Variants in PTPRN2 observed in about 807,000 individuals in gnomAD.
The protein encoded by PTPRN2 is protein tyrosine phosphatase receptor type N2, also known as receptor-type tyrosine-protein phosphatase N2.
Under a neutral mutation model 118.8 loss-of-function variants are expected in PTPRN2, and 74 were observed. The ratio of observed to expected loss-of-function variants is 0.62; its 90% CI spans 0.52 to 0.76. The LOEUF is 0.76. PTPRN2 is among the 30% of genes least tolerant of loss of function. PTPRN2 has a pLI of 0.00. For synonymous variants in PTPRN2, 641 were observed against 608.0 expected, an observed-to-expected ratio of 1.05 and a Z score of -0.80; for missense variants, 1,481 against 1,394.4, an observed-to-expected ratio of 1.06 and a Z score of -0.99.
At chr7:158,197,106 A>G (rs1292974250) in intron 4 of PTPRN2, among the ~76,000 whole-genome samples, 1 of 152,232 alleles carries the variant, frequency 6.6e-6, no homozygotes, top group Non-Finnish European at 1.5e-5. Context: ...TCGTATTCAG[A>G]AAAAGTCTGG....
intron 19 of PTPRN2, among the ~76,000 whole-genome samples, chr7:157,572,262 C>A (rs1347772338): frequency 6.6e-6 from 1 of 151,892 alleles, no homozygotes; most frequent in Non-Finnish European, 1.5e-5. Flanking sequence ...TGTCAGTGAA[C>A]TATTTCTGAA....
chr7:158,351,148 G>A (rs899231689), intron 2 of PTPRN2, among the ~76,000 whole-genome samples: 15 of 152,128 alleles, frequency 9.9e-5, no homozygotes, highest in Admixed American at 4.6e-4. Context: ...CCTCACCGAC[G>A]GCATCTCTCG....
At chr7:157,910,727 AGC>A (rs1798058370) in intron 11 of PTPRN2, among the ~76,000 whole-genome samples, 1 of 146,846 alleles carries the variant, frequency 6.8e-6, no homozygotes, top group African/African-American at 2.5e-5. Context: ...TGTGTGTGCG[AGC>A]GCGCGTGCGC....
intron 12 of PTPRN2, among the ~76,000 whole-genome samples, chr7:157,746,762 C>T (rs1241957330): frequency 7.2e-5 from 11 of 152,180 alleles, no homozygotes; most frequent in African/African-American, 2.4e-4. Context: ...AGATCTCTTC[C>T]GTTCAGCTGC....
At chr7:157,965,652 C>T (rs545551930) in intron 11 of PTPRN2, among the ~76,000 whole-genome samples, 1 of 152,342 alleles carries the variant, frequency 6.6e-6, no homozygotes, top group Admixed American at 6.5e-5. Context: ...CCAGCAGGTT[C>T]CAGCTCTCAG....
At chr7:158,462,048 T>C (rs896703274) in intron 2 of PTPRN2, among the ~76,000 whole-genome samples, 1 of 152,280 alleles carries the variant, frequency 6.6e-6, no homozygotes, top group African/African-American at 2.4e-5. Flanking sequence ...TCTCCTTCCA[T>C]GCTTTCAGAC....
chr7:157,750,047 T>C (rs1801369024), intron 12 of PTPRN2, among the ~76,000 whole-genome samples: 1 of 152,050 alleles, frequency 6.6e-6, no homozygotes, highest in South Asian at 2.1e-4. Flanking sequence ...TTCTCTGTGC[T>C]GTGGGCTCCC....
chr7:157,614,175 G>A, intron 15 of PTPRN2: 1 of 463,274 alleles, frequency 2.2e-6, no homozygotes, highest in Non-Finnish European at 4.5e-6. Context: ...GGGAGGGCCA[G>A]GGTGGAGCTC....
At chr7:158,226,314 T>C (rs1828773138) in intron 3 of PTPRN2, among the ~76,000 whole-genome samples, 1 of 152,154 alleles carries the variant, frequency 6.6e-6, no homozygotes, top group African/African-American at 2.4e-5. Flanking sequence ...AATCAGTATA[T>C]GCAGGATTAA....
At chr7:158,041,995 C>G (rs1487119788) in intron 11 of PTPRN2, among the ~76,000 whole-genome samples, 1 of 152,158 alleles carries the variant, frequency 6.6e-6, no homozygotes, top group Non-Finnish European at 1.5e-5. Context: ...AAAAATGTAC[C>G]TGCTTTAAGC....
chr7:157,969,430 C>T (rs113610120), intron 11 of PTPRN2, among the ~76,000 whole-genome samples: 1,947 of 152,288 alleles, frequency 0.013, 41 homozygotes, highest in African/African-American at 0.045. Context: ...CCTCTTTGCA[C>T]ACATCCTGCA....
intron 14 of PTPRN2, among the ~76,000 whole-genome samples, chr7:157,624,149 G>A (rs992621175): frequency 1.3e-5 from 2 of 152,136 alleles, no homozygotes; most frequent in African/African-American, 2.4e-5. Context: ...GGCCGGGCTC[G>A]GTGGCTCACG....
Position 157,618,909 on chromosome 7 carries a change from G to C in PTPRN2, c.2344+2453C>G, listed in dbSNP as rs1037596439. ...AGAACCCTGGGAGGAGGTGCAGGCA[G>C]CTTCTTTCTGGCTCCAGTGCGAGTC... On this transcript the variant is annotated intron_variant, in intron 15 of 22. Transcript: ENST00000389418. The surrounding 1 kb of genome is among the most constrained non-coding windows in gnomAD (Gnocchi z 4.2). 1 of 152,374 alleles carries C rather than the reference G, an allele frequency of 6.6e-6. No individual in the cohort carries two copies. Among genetic ancestry groups the C allele is most frequent in the African/African-American group, 2.4e-5 (1 of 41,418 alleles). 9.4% of individuals were successfully genotyped at this position (152,374 alleles called of 1,614,324 possible).
intron 11 of PTPRN2, among the ~76,000 whole-genome samples, chr7:157,967,541 A>C (rs1317687557): frequency 1.3e-5 from 2 of 152,258 alleles, no homozygotes; most frequent in East Asian, 3.9e-4. Flanking sequence ...AAAGCAATGG[A>C]GGAGTGGGTG....
chr7:157,847,135 C>A (rs1356247368), intron 12 of PTPRN2, among the ~76,000 whole-genome samples: 1 of 142,014 alleles, frequency 7.0e-6, no homozygotes, highest in Non-Finnish European at 1.5e-5. Context: ...ACAGAGCCCT[C>A]TCTCACTCCA....
At chr7:158,379,928 C>A (rs1265141078) in intron 2 of PTPRN2, among the ~76,000 whole-genome samples, 1 of 152,080 alleles carries the variant, frequency 6.6e-6, no homozygotes, top group Admixed American at 6.6e-5. Context: ...TGACAGCAGG[C>A]AAAGAGAGCT....
intron 3 of PTPRN2, among the ~76,000 whole-genome samples, chr7:158,249,510 TCA>T (rs2150887844): frequency 7.5e-6 from 1 of 133,140 alleles, no homozygotes; most frequent in Non-Finnish European, 1.6e-5. Context: ...TGCACATGCA[TCA>T]CACACATGCA....
chr7:157,565,914 A>C (rs1358246019), intron 21 of PTPRN2, among the ~76,000 whole-genome samples: 2 of 152,236 alleles, frequency 1.3e-5, no homozygotes, highest in Non-Finnish European at 2.9e-5. Flanking sequence ...AGCGCTTCCC[A>C]GATTGGTGCC....
chr7:158,435,077 C>T (rs1380098631), intron 2 of PTPRN2, among the ~76,000 whole-genome samples: 1 of 152,160 alleles, frequency 6.6e-6, no homozygotes, highest in African/African-American at 2.4e-5. Context: ...ACCAAAAGCT[C>T]AGGCAACAAA....
Sources: allele counts gnomAD v4.1 joint callset (sites outside exome capture counted in the v4.1 genomes callset), GRCh38; gene constraint gnomAD v4.1.1; non-coding constraint Gnocchi (gnomAD v3.1); transcripts MANE v1.5; gene names NCBI Gene and HGNC (gene_info 2026-07-23, HGNC 2026-07-21).